ITPR3: variants seen among roughly 807,000 people sequenced by gnomAD.
ITPR3 encodes inositol 1,4,5-trisphosphate-gated calcium channel ITPR3.
Under a neutral mutation model 293.2 loss-of-function variants are expected in ITPR3, and 173 were observed. The observed-to-expected ratio is 0.59, with a 90% CI of 0.52 to 0.67. The LOEUF is 0.67. Ranked by LOEUF, ITPR3 falls within the 30% of genes least tolerant of loss-of-function variation. The probability of loss-of-function intolerance (pLI) is 0.00; values close to 1 mark genes in which losing one functional copy is unlikely to be tolerated. For synonymous variants in ITPR3, 1,295 were observed against 1,444.4 expected, an observed-to-expected ratio of 0.90 and a Z score of 2.35; for missense variants, 2,796 against 3,592.1, an observed-to-expected ratio of 0.78 and a Z score of 5.66.
chr6:33,627,527 C>T (rs1357473899), intron 1 of ITPR3, among the ~76,000 whole-genome samples: 1 of 152,248 alleles, frequency 6.6e-6, no homozygotes, highest in Non-Finnish European at 1.5e-5. Context: ...CATTCAGGCT[C>T]TTTGTAAATT....
rs369613329 is a variant in ITPR3, at chr6:33,667,315, C to T, written c.1713+25C>T. 396 of 1,605,084 alleles carry T rather than the reference C, an allele frequency of 2.5e-4. 3 individuals carry two copies. In the South Asian group the frequency reaches 3.3e-3, roughly 13 times the overall value. Reference sequence around the variant, plus strand: ...GGTGCGCCGCTGCCCTGCTGGCCCACTCGCTGGCTGCACGTTCCTTCCTCA... The same window carrying T: ...GGTGCGCCGCTGCCCTGCTGGCCCATTCGCTGGCTGCACGTTCCTTCCTCA... On this transcript the variant is annotated intron_variant, in intron 15 of 57. Coordinates refer to ENST00000605930, the MANE Select transcript of ITPR3 (RefSeq NM_002224.4). The surrounding 1 kb of genome is among the most constrained non-coding windows in gnomAD (Gnocchi z 4.4).
chr6:33,655,697 G>C lies in ITPR3; in HGVS notation c.161-69G>C, dbSNP rs977423539. On this transcript the variant is annotated intron_variant, in intron 2 of 57. Transcript: ENST00000605930. This position sits in a 1 kb window ranked among gnomAD's most constrained non-coding sequence, Gnocchi z 4.9. ...TGGGAGAGAAGAGCTGCAGGCTGGG[G>C]TTTTCTCCAGGGAGGGCCCTGAGCC... 7 of 1,601,166 alleles carry C rather than the reference G, an allele frequency of 4.4e-6. No individual in the cohort carries two copies. The African/African-American group carries it at 9.4e-5, about 21-fold the overall frequency.
At chr6:33,643,849 G>A (rs11756541) in intron 2 of ITPR3, among the ~76,000 whole-genome samples, 5,946 of 152,212 alleles carry the variant, frequency 0.039, 192 homozygotes, top group Non-Finnish European at 0.056. Context: ...CTCCAAGCCC[G>A]GCTTATTGTT....
At position 33,682,409 on chromosome 6, in the gene ITPR3, G is replaced by C; in HGVS notation, c.4477-115G>C. The C allele has an allele frequency of 1.6e-6, 2 of 1,265,330 alleles. No homozygotes were observed. The highest frequency in any genetic ancestry group is 1.6e-5 in the African/African-American group (1 of 64,114). 78.4% of individuals were successfully genotyped at this position (1,265,330 alleles called of 1,614,324 possible). ...CTGGCACAGAGGCACATGGTGGCTA[G>C]TGAAGGCTCCGTCTCTCCACCCATG... On this transcript the variant is annotated intron_variant, in intron 33 of 57. Coordinates refer to ENST00000605930, the MANE Select transcript of ITPR3 (RefSeq NM_002224.4). The surrounding 1 kb of genome is among the most constrained non-coding windows in gnomAD (Gnocchi z 5.4).
Position 33,671,212 on chromosome 6 carries a change from C to A in ITPR3, c.2634C>A (p.Phe878Leu). Residue 878 changes from phenylalanine to leucine, a missense_variant, in exon 21 of 58, where the codon TTC (phenylalanine) becomes TTA (leucine). By Grantham distance (22) the Phe-to-Leu change is conservative. This residue lies in a region of ITPR3 where 955 missense variants were observed against 1,180.8 expected (regional missense o/e 0.81). Transcript: ENST00000605930. Reference protein sequence around the residue: ...HNLIYFGFYSFSELLRLTRTL... With the variant: ...HNLIYFGFYSLSELLRLTRTL... ...TCATCTACTTCGGCTTCTACAGCTT[C>A]AGCGAGCTGCTGCGGCTCACTCGCA... The A allele has an allele frequency of 6.2e-7, 1 of 1,613,794 alleles. No individual in the cohort carries two copies. The highest frequency in any genetic ancestry group is 8.5e-7 in the Non-Finnish European group (1 of 1,179,980).
chr6:33,684,354 C>T lies in ITPR3; in HGVS notation c.4938-3C>T, dbSNP rs1416457698. On this transcript the variant is annotated splice_region_variant and splice_polypyrimidine_tract_variant and intron_variant, in intron 36 of 57. Coordinates refer to ENST00000605930, the MANE Select transcript of ITPR3 (RefSeq NM_002224.4). This position sits in a 1 kb window ranked among gnomAD's most constrained non-coding sequence, Gnocchi z 4.2. ...CCCTGAGCTGCCTCCTTGGCCGGCT[C>T]AGGCTGATCCAGCACACCAAGGACC... The T allele has an allele frequency of 2.5e-6, 4 of 1,613,656 alleles. No individual in the cohort carries two copies. Among genetic ancestry groups the T allele is most frequent in the African/African-American group, 1.3e-5 (1 of 75,014 alleles).
At position 33,624,776 on chromosome 6, in the gene ITPR3, G is replaced by A. The variant is rs1478537305; in HGVS notation, c.89+3085G>A. Among the ~76,000 whole-genome samples, 1 of 152,198 alleles carries A rather than the reference G, an allele frequency of 6.6e-6. No individual in the cohort carries two copies. The highest frequency in any genetic ancestry group is 1.5e-5 in the Non-Finnish European group (1 of 68,036). On this transcript the variant is annotated intron_variant, in intron 1 of 57. Transcript: ENST00000605930. This position sits in a 1 kb window ranked among gnomAD's most constrained non-coding sequence, Gnocchi z 4.7. The stretch of plus-strand genomic sequence containing the variant: ...GTTGAAGGCAGGGGTGGCCTTGGTG[G>A]GCAGATGGGCCAGGTCACCTGGGAG...
rs781473224 is a variant in ITPR3, at chr6:33,659,127, G to A, written c.627+8G>A. 2 of 1,613,074 alleles carry A rather than the reference G, an allele frequency of 1.2e-6. No homozygotes were observed. The highest frequency in any genetic ancestry group is 1.7e-6 in the Non-Finnish European group (2 of 1,179,466). On this transcript the variant is annotated splice_region_variant and intron_variant, in intron 6 of 57. Coordinates refer to ENST00000605930, the MANE Select transcript of ITPR3 (RefSeq NM_002224.4). ...AACGCCGGCTGCAAGGAGGTGAGGG[G>A]GTGGGGGGTCAGCCATGCAGTGCAG... is the stretch of plus-strand genomic sequence containing the variant.
At chr6:33,641,353 C>T (rs918961174) in intron 2 of ITPR3, among the ~76,000 whole-genome samples, 8 of 152,254 alleles carry the variant, frequency 5.3e-5, no homozygotes, top group South Asian at 2.1e-4. Flanking sequence ...CAAGTCTGCC[C>T]GCGTGGCTGC....
intron 1 of ITPR3, among the ~76,000 whole-genome samples, chr6:33,626,966 C>T (rs557472563): frequency 2.6e-5 from 4 of 152,288 alleles, no homozygotes; most frequent in East Asian, 1.9e-4. Flanking sequence ...CCACCACGCC[C>T]GGCTAATTTT....
intron 57 of ITPR3, 25 bp downstream of exon 57, chr6:33,695,110 C>T: frequency 6.2e-7 from 1 of 1,610,668 alleles, no homozygotes; most frequent in Non-Finnish European, 8.5e-7. Flanking sequence ...TGATCCCAGG[C>T]CCACCCTGGG....
intron 2 of ITPR3, among the ~76,000 whole-genome samples, chr6:33,651,473 G>A (rs1764190950): frequency 6.6e-6 from 1 of 152,094 alleles, no homozygotes; most frequent in Non-Finnish European, 1.5e-5. Flanking sequence ...GACATGAGCT[G>A]TTCTACTGTG....
chr6:33,663,964 C>A, intron 11 of ITPR3, 84 bp downstream of exon 11: 2 of 1,506,642 alleles, frequency 1.3e-6, no homozygotes, highest in Middle Eastern at 2.1e-4. Context: ...GGATCCCCCA[C>A]TCCTCCGCCC....
Position 33,664,982 on chromosome 6 carries a change from G to C in ITPR3, c.1248+13G>C, listed in dbSNP as rs1420450384. On this transcript the variant is annotated intron_variant, in intron 12 of 57. Coordinates refer to ENST00000605930, the MANE Select transcript of ITPR3 (RefSeq NM_002224.4). This position sits in a 1 kb window ranked among gnomAD's most constrained non-coding sequence, Gnocchi z 4.4. ...CATCCGGCTCATGGTGCGTGTCCCT[G>C]GGGTGGGGGTGGGGCTGGGGCCAGG... 2 of 1,612,990 alleles carry C rather than the reference G, an allele frequency of 1.2e-6. No homozygotes were observed. The highest frequency in any genetic ancestry group is 2.7e-5 in the African/African-American group (2 of 74,902).
intron 56 of ITPR3, 27 bp from the exon 57 acceptor site, chr6:33,694,897 G>C (rs770313043): frequency 5.0e-6 from 8 of 1,613,988 alleles, no homozygotes; most frequent in Non-Finnish European, 6.8e-6. Context: ...GCCCACGCCT[G>C]CTTAACCCAC....
At chr6:33,662,499 C>T in intron 7 of ITPR3, 29 bp from the exon 8 acceptor site, 1 of 1,555,148 alleles carries the variant, frequency 6.4e-7, no homozygotes, top group Non-Finnish European at 8.7e-7. Context: ...GGGCCGCAGC[C>T]ATCCTGAGCC....
At chr6:33,646,936 A>T (rs1764083876) in intron 2 of ITPR3, among the ~76,000 whole-genome samples, 1 of 152,224 alleles carries the variant, frequency 6.6e-6, no homozygotes, top group Admixed American at 6.5e-5. Flanking sequence ...GATGAAAAAA[A>T]GTATATTCAT....
chr6:33,656,895 G>T (rs1190044993), intron 3 of ITPR3, among the ~76,000 whole-genome samples: 1 of 152,252 alleles, frequency 6.6e-6, no homozygotes, highest in African/African-American at 2.4e-5. Context: ...CTGGGCTGGA[G>T]AGAGGGAGCT....
intron 2 of ITPR3, among the ~76,000 whole-genome samples, chr6:33,646,171 A>G (rs1475492379): frequency 6.6e-6 from 1 of 152,016 alleles, no homozygotes; most frequent in Non-Finnish European, 1.5e-5. Context: ...TCCTTTTTAT[A>G]AAAGTAAGAC....
Sources: allele counts gnomAD v4.1 joint callset (sites outside exome capture counted in the v4.1 genomes callset), GRCh38; gene constraint gnomAD v4.1.1; regional missense constraint gnomAD v4.1.1; non-coding constraint Gnocchi (gnomAD v3.1); transcripts MANE v1.5; gene names NCBI Gene and HGNC (gene_info 2026-07-23, HGNC 2026-07-21).